Variants in MFAP3 observed in about 807,000 individuals in gnomAD.
MFAP3 encodes the protein microfibril associated protein 3, also known as microfibril-associated glycoprotein 3.
MFAP3 carries 8 observed loss-of-function variants against 20.5 expected under a neutral mutation model. The observed-to-expected ratio is 0.39, with a 90% confidence interval of 0.23 to 0.70. The LOEUF is 0.70. MFAP3 is among the 30% of genes least tolerant of loss of function. MFAP3 has a pLI of 0.44. For synonymous variants in MFAP3, 140 were observed against 154.0 expected (o/e 0.91, Z 0.67); for missense variants, 398 against 444.6 (o/e 0.90, Z 0.94).
At chr5:154,052,828 C>G (rs931264873) in intron 2 of MFAP3, 92 bp from the exon 3 acceptor site, 1 of 1,126,398 alleles carries the variant, frequency 8.9e-7, no homozygotes. Context: ...AGTTAAAGTA[C>G]TTTGATAAAG....
At chr5:154,050,950 T>A (rs1362154220) in intron 2 of MFAP3, among the ~76,000 whole-genome samples, 5 of 152,114 alleles carry the variant, frequency 3.3e-5, no homozygotes, top group Non-Finnish European at 1.5e-5. Context: ...GTTAGGAAGA[T>A]AGTGTAGCCT....
chr5:154,056,842 C>T lies in MFAP3; in HGVS notation c.*3129C>T, dbSNP rs202095427. On this transcript the variant is annotated 3_prime_UTR_variant, in exon 3 of 3. Coordinates refer to ENST00000522782, the MANE Select transcript of MFAP3 (RefSeq NM_005927.5). Reference sequence around the variant, plus strand: ...TTTAATTCTTGAGTCAGGGCCAGCACGCATTTATATTTTCTACCAATTACC... The same window carrying T: ...TTTAATTCTTGAGTCAGGGCCAGCATGCATTTATATTTTCTACCAATTACC... 1.3e-5 allele frequency among the ~76,000 whole-genome samples: 2 copies of T among 152,268 alleles called. No individual in the cohort carries two copies. The highest frequency in any genetic ancestry group is 1.9e-4 in the East Asian group (1 of 5,174).
rs1463840060 is a variant in MFAP3 at position 154,055,223 on chromosome 5, A to G, written c.*1510A>G. On this transcript the variant is annotated 3_prime_UTR_variant, in exon 3 of 3. Transcript: ENST00000522782. ...CTTCAGCTAGAGGCTCCTGAGGGAAATGTTCAGAGGAGGTTTTATCAGGAT... is the reference window on the plus strand; with the variant it reads ...CTTCAGCTAGAGGCTCCTGAGGGAAGTGTTCAGAGGAGGTTTTATCAGGAT... Among the ~76,000 whole-genome samples, 2 of 152,212 alleles carry G rather than the reference A, an allele frequency of 1.3e-5. No individual in the cohort carries two copies. The highest frequency in any genetic ancestry group is 4.8e-5 in the African/African-American group (2 of 41,454).
At chr5:154,048,149 A>G (rs988711750) in intron 1 of MFAP3, among the ~76,000 whole-genome samples, 1 of 152,142 alleles carries the variant, frequency 6.6e-6, no homozygotes, top group Non-Finnish European at 1.5e-5. Flanking sequence ...CACTGAATCA[A>G]TTAGATTATA....
intron 1 of MFAP3, among the ~76,000 whole-genome samples, chr5:154,045,298 A>G (rs1279967179): frequency 6.6e-6 from 1 of 152,142 alleles, no homozygotes; most frequent in African/African-American, 2.4e-5. Context: ...GATCACGACA[A>G]ATCTTCTCTA....
intron 2 of MFAP3, among the ~76,000 whole-genome samples, chr5:154,052,245 T>C (rs1164763133): frequency 6.6e-6 from 1 of 151,934 alleles, no homozygotes; most frequent in Non-Finnish European, 1.5e-5. Context: ...CCATGACTTG[T>C]GAGATGTATT....
chr5:154,046,636 C>T (rs138879963), intron 1 of MFAP3, among the ~76,000 whole-genome samples: 1,997 of 152,230 alleles, frequency 0.013, 17 homozygotes, highest in Middle Eastern at 0.034. Flanking sequence ...AGGAAGTTTG[C>T]GGGAAGGCAG....
chr5:154,047,461 G>C (rs981560050), intron 1 of MFAP3, among the ~76,000 whole-genome samples: 1 of 152,172 alleles, frequency 6.6e-6, no homozygotes, highest in African/African-American at 2.4e-5. Context: ...GGAGATGGCA[G>C]GTTAAGAAAT....
At chr5:154,041,956 T>G (rs909104427) in intron 1 of MFAP3, among the ~76,000 whole-genome samples, 1 of 152,216 alleles carries the variant, frequency 6.6e-6, no homozygotes, top group Non-Finnish European at 1.5e-5. Context: ...ATTATTTTAT[T>G]TAATAAATGT....
At chr5:154,051,107 G>T (rs181700726) in intron 2 of MFAP3, among the ~76,000 whole-genome samples, 152 of 152,210 alleles carry the variant, frequency 1.0e-3, no homozygotes, top group African/African-American at 3.3e-3. Flanking sequence ...GAATTGTTAG[G>T]GTATTTTTAA....
rs193171758 is a variant in MFAP3 at position 154,043,606 on chromosome 5, C to A, written c.-167+4595C>A. Among the ~76,000 whole-genome samples the A allele has an allele frequency of 1.5e-3, 232 of 152,164 alleles. 1 individual carries two copies. Among genetic ancestry groups the A allele is most frequent in the Non-Finnish European group, 2.5e-4 (17 of 67,988 alleles). ...AATAAAAAATTTTATCAAGTAACTT[C>A]ATCCACAAACATAGTATAGCCCTTT... On this transcript the variant is annotated intron_variant, in intron 1 of 2. Transcript: ENST00000522782.
intron 1 of MFAP3, among the ~76,000 whole-genome samples, chr5:154,044,032 A>G (rs1773021807): frequency 6.6e-6 from 1 of 152,214 alleles, no homozygotes; most frequent in South Asian, 2.1e-4. Context: ...TCACAATATA[A>G]TTACATTTCA....
At chr5:154,042,905 A>G (rs1429606793) in intron 1 of MFAP3, among the ~76,000 whole-genome samples, 1 of 152,132 alleles carries the variant, frequency 6.6e-6, no homozygotes, top group African/African-American at 2.4e-5. Context: ...ATTTCTGCAA[A>G]CATCAGTTTC....
Position 154,056,131 on chromosome 5 carries a change from A to G in MFAP3, c.*2418A>G, listed in dbSNP as rs1773326777. ...TAAAATCAAAGTCCTAAGAAACAGA[A>G]CTTTGGAAAAATGGAGGAAATGTTT... is the stretch of plus-strand genomic sequence containing the variant. On this transcript the variant is annotated 3_prime_UTR_variant, in exon 3 of 3. Coordinates refer to ENST00000522782, the MANE Select transcript of MFAP3 (RefSeq NM_005927.5). Among the ~76,000 whole-genome samples the G allele has an allele frequency of 6.6e-6, 1 of 152,200 alleles. No homozygotes were observed. The highest frequency in any genetic ancestry group is 1.5e-5 in the Non-Finnish European group (1 of 68,030).
At chr5:154,043,579 G>A (rs1581860631) in intron 1 of MFAP3, among the ~76,000 whole-genome samples, 1 of 151,792 alleles carries the variant, frequency 6.6e-6, no homozygotes, top group Non-Finnish European at 1.5e-5. Context: ...AAAAGGAAAG[G>A]TAATAAAAAA....
In MFAP3 at chr5:154,053,095, T is replaced by G. The variant is rs1301049235; in HGVS notation, c.471T>G (p.Ile157Met). Residue 157 changes from isoleucine to methionine, a missense_variant, in exon 3 of 3, where the codon ATT becomes ATG. Coordinates refer to ENST00000522782, the MANE Select transcript of MFAP3 (RefSeq NM_005927.5). ...MSVYYMIVCL[I>M]AFTITLILNV... ...TCTATTACATGATTGTTTGCCTGAT[T>G]GCCTTTACAATCACACTCATCTTGA... 2.2e-5 allele frequency: 35 copies of G among 1,613,822 alleles called. No homozygotes were observed. Among genetic ancestry groups the G allele is most frequent in the Non-Finnish European group, 3.0e-5 (35 of 1,179,918 alleles).
At chr5:154,044,208 T>G (rs1285979753) in intron 1 of MFAP3, among the ~76,000 whole-genome samples, 1 of 152,234 alleles carries the variant, frequency 6.6e-6, no homozygotes, top group African/African-American at 2.4e-5. Context: ...AGCTGTAGTT[T>G]TAAAGTCATT....
At chr5:154,046,571 C>T (rs1250801313) in intron 1 of MFAP3, among the ~76,000 whole-genome samples, 1 of 152,120 alleles carries the variant, frequency 6.6e-6, no homozygotes, top group African/African-American at 2.4e-5. Context: ...ATCCTTTATA[C>T]AGCTATACTC....
At chr5:154,042,788 T>G (rs1050228834) in intron 1 of MFAP3, among the ~76,000 whole-genome samples, 1 of 152,086 alleles carries the variant, frequency 6.6e-6, no homozygotes, top group Non-Finnish European at 1.5e-5. Context: ...AGAACACATT[T>G]GATTATAGAG....
Sources: allele counts gnomAD v4.1 joint callset (sites outside exome capture counted in the v4.1 genomes callset), GRCh38; gene constraint gnomAD v4.1.1; transcripts MANE v1.5; gene names NCBI Gene and HGNC (gene_info 2026-07-23, HGNC 2026-07-21).